Variants in C5orf58 observed in about 807,000 individuals in gnomAD.
The protein encoded by C5orf58 is chromosome 5 open reading frame 58.
In C5orf58, 2 loss-of-function variants were observed where a neutral mutation model predicts 2.9. The ratio of observed to expected loss-of-function variants is 0.69; its 90% confidence interval spans 0.28 to 2.18. C5orf58 has a LOEUF of 2.18. C5orf58 is among the 30% of genes most tolerant of loss of function. C5orf58 has a pLI of 0.13. For synonymous variants in C5orf58, 37 were observed against 33.4 expected, an observed-to-expected ratio of 1.11 and a Z score of -0.37; for missense variants, 96 against 91.7, an observed-to-expected ratio of 1.05 and a Z score of -0.19.
chr5:170,238,668 C>G (rs1315947935), intron 3 of C5orf58, among the ~76,000 whole-genome samples: 1 of 152,052 alleles, frequency 6.6e-6, no homozygotes, highest in African/African-American at 2.4e-5. Flanking sequence ...ACTGAGAGAA[C>G]AAAAAGATCT....
intron 1 of C5orf58, 48 bp from the exon 2 acceptor site, chr5:170,234,067 G>A (rs1040866068): frequency 1.7e-6 from 2 of 1,152,732 alleles, no homozygotes; most frequent in Middle Eastern, 2.3e-4. Flanking sequence ...TGGGGTCTTG[G>A]GGGTAGATGC....
intron 3 of C5orf58, among the ~76,000 whole-genome samples, chr5:170,239,156 G>A (rs1760869233): frequency 6.6e-6 from 1 of 152,146 alleles, no homozygotes; most frequent in Non-Finnish European, 1.5e-5. Context: ...GGGACATTTA[G>A]GATATATTTC....
chr5:170,238,801 G>A (rs576487495), intron 3 of C5orf58, among the ~76,000 whole-genome samples: 21 of 152,196 alleles, frequency 1.4e-4, no homozygotes, highest in Non-Finnish European at 2.9e-4. Flanking sequence ...TTCCAACCTA[G>A]ATTTCTATAG....
downstream of C5orf58, chr5:170,248,311 A>AG: frequency 6.1e-6 from 1 of 164,890 alleles, no homozygotes; most frequent in Non-Finnish European, 1.3e-5. Context: ...GCTGTAAAAA[A>AG]CAAATCAGTT....
At chr5:170,250,462 T>C (rs1477990509), downstream of C5orf58, among the ~76,000 whole-genome samples, 4 of 152,218 alleles carry the variant, frequency 2.6e-5, no homozygotes, top group Non-Finnish European at 5.9e-5. Context: ...TCTAAATAGA[T>C]TTTTTTAAGT....
chr5:170,250,596 A>G (rs1761413518), downstream of C5orf58: 1 of 689,522 alleles, frequency 1.5e-6, no homozygotes, highest in African/African-American at 1.8e-5. Flanking sequence ...TCTTCCAATA[A>G]ATGAAGGGCT....
chr5:170,237,551 T>C (rs1760793315), intron 3 of C5orf58, among the ~76,000 whole-genome samples: 1 of 152,006 alleles, frequency 6.6e-6, no homozygotes, highest in South Asian at 2.1e-4. Flanking sequence ...GAGAAGCAAA[T>C]AGACAAGTCT....
At chr5:170,247,502 A>G (rs1581052464), downstream of C5orf58, 1 of 152,248 alleles carries the variant, frequency 6.6e-6, no homozygotes, top group Non-Finnish European at 1.5e-5. Context: ...ATTGTTGCTA[A>G]TAAAAGTTGT....
In C5orf58 at chr5:170,234,998, G is replaced by T; in HGVS notation, c.22G>T (p.Asp8Tyr). The change falls in exon 3 of 4, where the codon GAT (aspartate) becomes TAT (tyrosine). Residue 8 changes from aspartate (D) to tyrosine (Y), a missense_variant. Asp to Tyr is a radical substitution (Grantham distance 160, BLOSUM62 -3). Coordinates refer to ENST00000593851, the MANE Select transcript of C5orf58 (RefSeq NM_001102609.3). The part of the protein sequence containing the change: MGKKRVT[D>Y]HKLNVDKVIK... ...TCAGATGGGTAAGAAGCGTGTTACT[G>T]ATCATAAGCTAAATGTGGACAAAGT... 6.5e-7 allele frequency: 1 copy of T among 1,537,718 alleles called. No homozygotes were observed. The highest frequency in any genetic ancestry group is 1.2e-5 in the South Asian group (1 of 85,410).
At chr5:170,236,895 C>A (rs934964497) in intron 3 of C5orf58, among the ~76,000 whole-genome samples, 2 of 152,166 alleles carry the variant, frequency 1.3e-5, no homozygotes, top group Admixed American at 6.5e-5. Flanking sequence ...TATTTCCTTA[C>A]TTTTCTTATC....
intron 2 of C5orf58, among the ~76,000 whole-genome samples, chr5:170,234,412 T>C (rs1031187529): frequency 6.6e-6 from 1 of 152,220 alleles, no homozygotes. Context: ...TAGGAATGCG[T>C]TGATTTATAC....
rs933683156 is a variant in C5orf58 at position 170,245,565 on chromosome 5, C to G, written c.95-397C>G. Among the ~76,000 whole-genome samples the G allele has an allele frequency of 2.0e-5, 3 of 152,188 alleles. No homozygotes were observed. The South Asian group carries it at 6.2e-4, about 32-fold the overall frequency. ...GTGCGTCCGTCACCCCTTTCTTTGA[C>G]TCGGAAAGGGAACTCCCTGACCCCT... On this transcript the variant is annotated intron_variant, in intron 3 of 3. Transcript: ENST00000593851.
At position 170,245,943 on chromosome 5, in the gene C5orf58, C is replaced by T; in HGVS notation, c.95-19C>T. On this transcript the variant is annotated intron_variant, in intron 3 of 3. Transcript: ENST00000593851. ...ACATATGTGCTACAATATAATATCT[C>T]CTGTTTTGTTTTGCACAGAGCTCTC... 1 of 1,604,192 alleles carries T rather than the reference C, an allele frequency of 6.2e-7. No homozygotes were observed.
chr5:170,235,049 T>TCAACTC lies in C5orf58; in HGVS notation c.74_75insAACTCC (p.Ser25_Glu26insThrPro). ...AATTAAAAATATTAACACAATTTCTTCGGAGTTGAAGAAGATAAAAGGTAA... is the reference window on the plus strand; with the variant it reads ...AATTAAAAATATTAACACAATTTCTTCAACTCCGGAGTTGAAGAAGATAAAAGGTAA... On this transcript the variant is annotated inframe_insertion, in exon 3 of 4. Coordinates refer to ENST00000593851, the MANE Select transcript of C5orf58 (RefSeq NM_001102609.3). The TCAACTC allele has an allele frequency of 6.6e-7, 1 of 1,508,002 alleles. No individual in the cohort carries two copies. Among genetic ancestry groups the TCAACTC allele is most frequent in the Non-Finnish European group, 9.1e-7 (1 of 1,096,616 alleles). The allele number at this position is 1,508,002 out of a possible 1,614,324, so 93.4% of individuals were successfully genotyped here. A position where few individuals can be genotyped will look rare whatever the true frequency, so the allele number is the denominator to read the frequency against.
intron 3 of C5orf58, among the ~76,000 whole-genome samples, chr5:170,239,064 A>G (rs1182386584): frequency 6.6e-6 from 1 of 152,252 alleles, no homozygotes; most frequent in African/African-American, 2.4e-5. Flanking sequence ...GGAGCAAATC[A>G]GAAGGCTCCA....
chr5:170,243,005 A>G (rs1337381665), intron 3 of C5orf58, among the ~76,000 whole-genome samples: 1 of 145,632 alleles, frequency 6.9e-6, no homozygotes, highest in Non-Finnish European at 1.5e-5. Context: ...TTCAAAGAAC[A>G]TCTTTATTTC....
At chr5:170,247,824 A>G (rs1761332954), downstream of C5orf58, 1 of 152,206 alleles carries the variant, frequency 6.6e-6, no homozygotes, top group Non-Finnish European at 1.5e-5. Flanking sequence ...CTTTGGTAAA[A>G]TCTATATCCC....
downstream of C5orf58, chr5:170,250,966 T>G: frequency 1.8e-6 from 2 of 1,117,652 alleles, no homozygotes; most frequent in East Asian, 2.4e-5. Flanking sequence ...GACAAGCCTC[T>G]AGGGATCTGA....
At chr5:170,233,097 C>A in intron 1 of C5orf58, 90 bp downstream of exon 1, 1 of 472,530 alleles carries the variant, frequency 2.1e-6, no homozygotes, top group Non-Finnish European at 2.8e-6. Context: ...CCCGAGGCTC[C>A]ACCTTCCACC....
Sources: gnomAD v4.1 joint callset for allele counts (sites outside exome capture counted in the v4.1 genomes callset) on GRCh38, gnomAD v4.1.1 for gene constraint, MANE v1.5 for transcripts, NCBI Gene and HGNC (gene_info 2026-07-23, HGNC 2026-07-21) for gene names.